Variants in PTPRD observed in about 807,000 individuals in gnomAD.
PTPRD encodes protein tyrosine phosphatase receptor type D.
Under a neutral mutation model 214.5 loss-of-function variants are expected in PTPRD, and 34 were observed. The ratio of observed to expected loss-of-function variants is 0.16; its 90% confidence interval spans 0.12 to 0.21. PTPRD has a LOEUF of 0.21. PTPRD is among the 10% of genes least tolerant of loss of function. PTPRD has a pLI of 1.00. For synonymous variants in PTPRD, 1,128 were observed against 845.7 expected, an observed-to-expected ratio of 1.33 and a Z score of -5.79; for missense variants, 2,545 against 2,398.7, an observed-to-expected ratio of 1.06 and a Z score of -1.27.
rs1357255289 is a variant in PTPRD, at chr9:9,712,968, A to G, written c.-287+21565T>C. On this transcript the variant is annotated intron_variant, in intron 7 of 45. Transcript: ENST00000381196. ...ACATTAATGAAAAAACTCATTTGCTAAATCAGTCGCTAATCTTGTCCAGTT... is the reference window on the plus strand; with the variant it reads ...ACATTAATGAAAAAACTCATTTGCTGAATCAGTCGCTAATCTTGTCCAGTT... 3.9e-5 allele frequency among the ~76,000 whole-genome samples: 6 copies of G among 152,214 alleles called. No individual in the cohort carries two copies. In the South Asian group the frequency reaches 6.2e-4, roughly 16 times the overall value.
intron 3 of PTPRD, among the ~76,000 whole-genome samples, chr9:10,268,293 A>AAATAAT (rs56131711): frequency 0.017 from 2,421 of 144,816 alleles, 48 homozygotes; most frequent in African/African-American, 0.047. Flanking sequence ...CTGTTGCTAT[A>AAATAAT]AATAATAATA....
intron 8 of PTPRD, among the ~76,000 whole-genome samples, chr9:9,451,051 C>T (rs1182749018): frequency 6.6e-6 from 1 of 150,648 alleles, no homozygotes; most frequent in Non-Finnish European, 1.5e-5. Flanking sequence ...CAAAAAAGTC[C>T]ACAGAGGTCA....
chr9:8,680,110 CAT>C (rs915306351), intron 12 of PTPRD, among the ~76,000 whole-genome samples: 126 of 151,948 alleles, frequency 8.3e-4, no homozygotes, highest in African/African-American at 2.8e-3. Flanking sequence ...CATAATTACA[CAT>C]ATATCATTTT....
chr9:8,934,437 ATATATATATAAATT>A lies in PTPRD; in HGVS notation c.-104+84246_-104+84259del, dbSNP rs2098976997. On this transcript the variant is annotated intron_variant, in intron 11 of 45. Coordinates refer to ENST00000381196, the MANE Select transcript of PTPRD (RefSeq NM_002839.4). ...TGTGTGTGTGTATATATATATATAA[ATATATATATAAATT>A]TATATATATATAAATATATATATAT... Among the ~76,000 whole-genome samples, 16 of 35,464 alleles carry A rather than the reference ATATATATATAAATT, an allele frequency of 4.5e-4. 2 individuals are homozygous for A. The highest frequency in any genetic ancestry group is 7.1e-4 in the South Asian group (1 of 1,418). 23.3% of individuals were successfully genotyped at this position (35,464 alleles called of 152,430 possible). A position where few individuals can be genotyped will look rare whatever the true frequency, so the allele number is the denominator to read the frequency against.
At chr9:10,133,147 T>A (rs893922083) in intron 3 of PTPRD, among the ~76,000 whole-genome samples, 1 of 152,142 alleles carries the variant, frequency 6.6e-6, no homozygotes. Context: ...GTTGGTAAAG[T>A]TGATAACCTA....
chr9:8,319,655 C>T (rs1001132885), intron 45 of PTPRD, among the ~76,000 whole-genome samples, 176 bp downstream of exon 45: 1 of 151,994 alleles, frequency 6.6e-6, no homozygotes, highest in Non-Finnish European at 1.5e-5. Context: ...AACACTAAGA[C>T]ACTAATAATC....
chr9:9,930,807 T>C (rs188482818), intron 5 of PTPRD, among the ~76,000 whole-genome samples: 8 of 152,008 alleles, frequency 5.3e-5, no homozygotes, highest in Non-Finnish European at 7.4e-5. Context: ...TCCATGTAAA[T>C]AGGTCAATTT....
rs531581730 is a variant in PTPRD, at chr9:8,378,465, T to G, written c.4387-1739A>C. On this transcript the variant is annotated intron_variant, in intron 37 of 45. Coordinates refer to ENST00000381196, the MANE Select transcript of PTPRD (RefSeq NM_002839.4). ...AAAAATTATGCCAAAGGCTTTGTTTTAAACCATGAAATAGATGTCAGGTGG... is the reference window on the plus strand; with the variant it reads ...AAAAATTATGCCAAAGGCTTTGTTTGAAACCATGAAATAGATGTCAGGTGG... Among the ~76,000 whole-genome samples the G allele has an allele frequency of 8.5e-5, 13 of 152,180 alleles. No individual in the cohort carries two copies. In the East Asian group the frequency reaches 1.9e-3, roughly 23 times the overall value.
intron 14 of PTPRD, among the ~76,000 whole-genome samples, chr9:8,576,791 A>C (rs2154245338): frequency 6.6e-6 from 1 of 152,278 alleles, no homozygotes; most frequent in African/African-American, 2.4e-5. Context: ...TCCTAATCTC[A>C]GTGTATGCCA....
chr9:10,048,509 T>G (rs890772714), intron 3 of PTPRD, among the ~76,000 whole-genome samples: 1 of 152,094 alleles, frequency 6.6e-6, no homozygotes, highest in Admixed American at 6.6e-5. Context: ...CACTGATTCA[T>G]TTTGGTTTCC....
At chr9:10,430,146 G>A (rs2098663957) in intron 2 of PTPRD, among the ~76,000 whole-genome samples, 1 of 151,928 alleles carries the variant, frequency 6.6e-6, no homozygotes, top group Non-Finnish European at 1.5e-5. Context: ...TAAGGGAGAT[G>A]ATAATGGATA....
rs1284623789 is a variant in PTPRD, at chr9:8,390,051, C to T, written c.4211-644G>A. On this transcript the variant is annotated intron_variant, in intron 36 of 45. Transcript: ENST00000381196. Reference sequence around the variant, plus strand: ...TTGACCTCTGTAAAGTATTGCTTCTCATTTAAAACTCGTGATTTGTTGTAA... The same window carrying T: ...TTGACCTCTGTAAAGTATTGCTTCTTATTTAAAACTCGTGATTTGTTGTAA... 4.6e-5 allele frequency among the ~76,000 whole-genome samples: 7 copies of T among 152,266 alleles called. No individual in the cohort carries two copies. In the East Asian group the frequency reaches 1.2e-3, roughly 25 times the overall value.
At chr9:8,330,891 A>AAAATATATT (rs1314306764) in intron 44 of PTPRD, among the ~76,000 whole-genome samples, 2 of 150,192 alleles carry the variant, frequency 1.3e-5, no homozygotes, top group African/African-American at 5.0e-5. Context: ...CCAGAACCCT[A>AAAATATATT]AAATATATTA....
intron 8 of PTPRD, among the ~76,000 whole-genome samples, chr9:9,439,036 T>C (rs771576912): frequency 1.3e-5 from 2 of 152,182 alleles, no homozygotes; most frequent in Non-Finnish European, 2.9e-5. Flanking sequence ...TTCTGTGCAA[T>C]GTTCCATAAT....
chr9:8,585,032 C>T (rs1485072963), intron 14 of PTPRD, among the ~76,000 whole-genome samples: 1 of 152,108 alleles, frequency 6.6e-6, no homozygotes, highest in Non-Finnish European at 1.5e-5. Context: ...TCTCATAACA[C>T]GTGGGGATTA....
At chr9:9,930,593 T>C (rs909649831) in intron 5 of PTPRD, among the ~76,000 whole-genome samples, 28 of 152,150 alleles carry the variant, frequency 1.8e-4, no homozygotes, top group African/African-American at 6.5e-4. Flanking sequence ...AAAATCTTAT[T>C]GTGATTATAT....
chr9:10,086,723 T>C (rs2098343974), intron 3 of PTPRD, among the ~76,000 whole-genome samples: 1 of 151,824 alleles, frequency 6.6e-6, no homozygotes, highest in Non-Finnish European at 1.5e-5. Flanking sequence ...TTCATTATTA[T>C]ATCTTGTTTA....
rs550069815 is a variant in PTPRD, at chr9:9,026,190, A to G, written c.-142-7455T>C. ...TAACAAAAGAAAGAACAGCCATGCC[A>G]CAAGGAAGGGGTAAAGACCTCTAGA... On this transcript the variant is annotated intron_variant, in intron 10 of 45. Coordinates refer to ENST00000381196, the MANE Select transcript of PTPRD (RefSeq NM_002839.4). Among the ~76,000 whole-genome samples the G allele has an allele frequency of 2.6e-5, 4 of 152,142 alleles. No homozygotes were observed. In the South Asian group the frequency reaches 8.3e-4, roughly 31 times the overall value.
In PTPRD at chr9:9,928,755, T is replaced by TACACAC. The variant is rs545488105; in HGVS notation, c.-368+9751_-368+9752insGTGTGT. Among the ~76,000 whole-genome samples, 108 of 109,670 alleles carry TACACAC rather than the reference T, an allele frequency of 9.8e-4. 1 individual carries two copies. Among genetic ancestry groups the TACACAC allele is most frequent in the African/African-American group, 3.8e-3 (102 of 26,954 alleles). 71.9% of individuals were successfully genotyped at this position (109,670 alleles called of 152,430 possible). On this transcript the variant is annotated intron_variant, in intron 5 of 45. Coordinates refer to ENST00000381196, the MANE Select transcript of PTPRD (RefSeq NM_002839.4). Reference sequence around the variant, plus strand: ...ATACAGTAGCAGTCATCTCTCTCTCTATACACACACACACACACACACACA... The same window carrying TACACAC: ...ATACAGTAGCAGTCATCTCTCTCTCTACACACATACACACACACACACACACACACA...
Sources: gnomAD v4.1 joint callset for allele counts (sites outside exome capture counted in the v4.1 genomes callset) on GRCh38, gnomAD v4.1.1 for gene constraint, MANE v1.5 for transcripts, NCBI Gene and HGNC (gene_info 2026-07-23, HGNC 2026-07-21) for gene names.